The following DSG2 variants were observed in gnomAD, a reference collection of about 807,000 sequenced individuals.
The protein encoded by DSG2 is desmoglein 2.
In DSG2, 45 loss-of-function variants were observed where a neutral mutation model predicts 75.6. That is an observed-to-expected ratio of 0.60 (90% CI 0.47 to 0.76). DSG2 has a LOEUF of 0.76. Among genes scored for constraint, DSG2 ranks in the 30% least tolerant of loss-of-function variants. The pLI is 0.00. For missense variants in DSG2, 1,267 were observed against 1,357.4 expected (o/e 0.93, Z 1.05); for synonymous variants, 429 against 483.9 (o/e 0.89, Z 1.49).
chr18:31,523,167 T>G (rs1254428177), intron 6 of DSG2, among the ~76,000 whole-genome samples: 1 of 152,096 alleles, frequency 6.6e-6, no homozygotes, highest in Admixed American at 6.5e-5. Flanking sequence ...TTTGGGAGGC[T>G]GAGGCGGGCA....
In DSG2 at chr18:31,535,425, A is replaced by G. The variant is rs1164316014; in HGVS notation, c.1423+13A>G. On this transcript the variant is annotated intron_variant, in intron 10 of 14. Transcript: ENST00000261590. ...GCCATATCAGAAGGTAAGTTATTAA[A>G]TAGATCTTTTTCTTGATTATATGTA... The G allele has an allele frequency of 1.9e-6, 3 of 1,588,650 alleles. No individual in the cohort carries two copies. Among genetic ancestry groups the G allele is most frequent in the Admixed American group, 1.7e-5 (1 of 59,824 alleles).
At chr18:31,500,648 G>A (rs1318580810) in intron 1 of DSG2, among the ~76,000 whole-genome samples, 1 of 152,186 alleles carries the variant, frequency 6.6e-6, no homozygotes, top group Non-Finnish European at 1.5e-5. Context: ...CTGCAGTGGA[G>A]TCTGTGACAC....
intron 14 of DSG2, 166 bp downstream of exon 14, chr18:31,543,018 G>A (rs551022228): frequency 2.0e-5 from 12 of 590,878 alleles, no homozygotes; most frequent in African/African-American, 1.9e-4. Context: ...AGAGAAATGG[G>A]ACCCACAGAA....
At chr18:31,525,333 T>C (rs567249354) in intron 8 of DSG2, among the ~76,000 whole-genome samples, 1 of 151,994 alleles carries the variant, frequency 6.6e-6, no homozygotes. Context: ...CTGGACAACA[T>C]GGCAAATCCC....
At chr18:31,542,155 T>C (rs1177892726) in intron 13 of DSG2, 2 of 332,084 alleles carry the variant, frequency 6.0e-6, no homozygotes, top group Non-Finnish European at 1.1e-5. Flanking sequence ...CTTAGAAATA[T>C]AGTCTTTATT....
intron 1 of DSG2, among the ~76,000 whole-genome samples, chr18:31,503,523 A>AG (rs536049201): frequency 2.6e-5 from 4 of 152,238 alleles, no homozygotes; most frequent in African/African-American, 4.8e-5. Flanking sequence ...TCAAGCCAAC[A>AG]GAAGCCCAGA....
chr18:31,527,505 G>A (rs931764819), intron 8 of DSG2, among the ~76,000 whole-genome samples: 9 of 152,182 alleles, frequency 5.9e-5, no homozygotes, highest in African/African-American at 2.2e-4. Flanking sequence ...AAGCAACCGA[G>A]TGAGATAATT....
In DSG2 at chr18:31,530,990, G is replaced by A. The variant is rs1369312425; in HGVS notation, c.1018G>A (p.Val340Ile). The A allele has an allele frequency of 1.2e-6, 2 of 1,613,914 alleles. No homozygotes were observed. The highest frequency in any genetic ancestry group is 2.2e-5 in the East Asian group (1 of 44,860). The change falls in exon 9 of 15, where the codon GTA (valine) becomes ATA (isoleucine). Residue 340 changes from valine (V) to isoleucine (I), a missense_variant. Transcript: ENST00000261590. ...TCCCTTTGGTTTTCCCTTTCAGGAA[G>A]TAGATTATGAAGAAATGAAGAATCT... Reference protein sequence around the residue: ...NEGIVTLIKEVDYEEMKNLDF... With the variant: ...NEGIVTLIKEIDYEEMKNLDF...
In DSG2 at chr18:31,531,071, A is replaced by G; in HGVS notation, c.1099A>G (p.Lys367Glu). 1 of 1,614,170 alleles carries G rather than the reference A, an allele frequency of 6.2e-7. No homozygotes were observed. The highest frequency in any genetic ancestry group is 8.5e-7 in the Non-Finnish European group (1 of 1,180,020). ...KAAFHKSIRSKYKPTPIPIKV... is the reference protein window; with the variant it reads ...KAAFHKSIRSEYKPTPIPIKV... ...AGCTTTTCACAAGTCGATTAGGAGT[A>G]AATACAAGCCTACACCCATTCCCAT... Residue 367 changes from lysine (K) to glutamate (E), a missense_variant, in exon 9 of 15, where the codon AAA becomes GAA. Physicochemically the swap from Lys to Glu is moderately conservative, Grantham distance 56. Transcript: ENST00000261590.
At position 31,499,182 on chromosome 18, in the gene DSG2, G is replaced by A. The variant is rs1014711150; in HGVS notation, c.45+886G>A. 2.6e-5 allele frequency among the ~76,000 whole-genome samples: 4 copies of A among 152,178 alleles called. No individual in the cohort carries two copies. The South Asian group carries it at 8.3e-4, about 32-fold the overall frequency. On this transcript the variant is annotated intron_variant, in intron 1 of 14. Transcript: ENST00000261590. ...ACAGTTATGCTGCAAATATAGGTGT[G>A]AGTTCACCTTCCAGAGAGTTCACAA...
chr18:31,542,724 A>T lies in DSG2; in HGVS notation c.2206A>T (p.Thr736Ser). 1 of 1,614,222 alleles carries T rather than the reference A, an allele frequency of 6.2e-7. No individual in the cohort carries two copies. Among genetic ancestry groups the T allele is most frequent in the South Asian group, 1.1e-5 (1 of 91,080 alleles). ...TAGAGCTACCCAGTTTACAGGGGCC[A>T]CAGGCGCTATCATGACCACTGAAAC... is the stretch of plus-strand genomic sequence containing the variant. ...SGRATQFTGA[T>S]GAIMTTETTK... The change falls in exon 14 of 15, where the codon ACA (threonine) becomes TCA (serine). Residue 736 changes from threonine to serine, a missense_variant. Thr to Ser is a moderately conservative substitution (Grantham distance 58). Transcript: ENST00000261590.
In DSG2 at chr18:31,521,252, C is replaced by CT. The variant is rs77324780; in HGVS notation, c.523+24dup. The CT allele has an allele frequency of 0.034, 45,203 of 1,334,854 alleles. No homozygotes were observed. The highest frequency in any genetic ancestry group is 0.037 in the Non-Finnish European group (36,547 of 978,234). The allele number at this position is 1,334,854 out of a possible 1,614,324, so 82.7% of individuals were successfully genotyped here. ...AGAGTTGAGTGCAGCACGTAAGAGT[C>CT]TTTTTTTTTTTTTTTAATAAATAAA... is the stretch of plus-strand genomic sequence containing the variant. On this transcript the variant is annotated intron_variant, in intron 5 of 14. Coordinates refer to ENST00000261590, the MANE Select transcript of DSG2 (RefSeq NM_001943.5).
In DSG2 at chr18:31,546,874, C is replaced by T. The variant is rs146873880; in HGVS notation, c.*131C>T. On this transcript the variant is annotated 3_prime_UTR_variant, in exon 15 of 15. Coordinates refer to ENST00000261590, the MANE Select transcript of DSG2 (RefSeq NM_001943.5). Reference sequence around the variant, plus strand: ...TACACATTGATCTTAAAATTTTTCTCAGTCACTGATATGCAAAGGACCACA... The same window carrying T: ...TACACATTGATCTTAAAATTTTTCTTAGTCACTGATATGCAAAGGACCACA... 750 of 991,092 alleles carry T rather than the reference C, an allele frequency of 7.6e-4. 5 individuals carry two copies. In the African/African-American group the frequency reaches 0.01, roughly 14 times the overall value. 61.4% of individuals were successfully genotyped at this position (991,092 alleles called of 1,614,324 possible).
chr18:31,529,400 C>T (rs1169530720), intron 8 of DSG2, among the ~76,000 whole-genome samples: 6 of 152,192 alleles, frequency 3.9e-5, no homozygotes, highest in South Asian at 2.1e-4. Flanking sequence ...ATTTCTCATC[C>T]GGCATATATC....
intron 8 of DSG2, among the ~76,000 whole-genome samples, chr18:31,530,225 A>G (rs1471477565): frequency 2.6e-5 from 4 of 152,182 alleles, no homozygotes; most frequent in African/African-American, 7.2e-5. Flanking sequence ...AAGTATTTTA[A>G]TATGCTAATG....
At chr18:31,533,500 T>A (rs1242133608) in intron 9 of DSG2, among the ~76,000 whole-genome samples, 1 of 152,218 alleles carries the variant, frequency 6.6e-6, no homozygotes, top group Admixed American at 6.5e-5. Flanking sequence ...ATCAGCTGTT[T>A]ACAGATATTT....
chr18:31,532,536 T>C (rs922000244), intron 9 of DSG2, among the ~76,000 whole-genome samples: 1 of 152,204 alleles, frequency 6.6e-6, no homozygotes, highest in African/African-American at 2.4e-5. Flanking sequence ...TGGAAGAAGC[T>C]CCTCAGCAAC....
At chr18:31,509,653 G>A (rs1208881585) in intron 1 of DSG2, among the ~76,000 whole-genome samples, 1 of 152,146 alleles carries the variant, frequency 6.6e-6, no homozygotes, top group East Asian at 1.9e-4. Flanking sequence ...AGAGAAAAGT[G>A]CAGTAGGTGA....
chr18:31,524,749 G>A lies in DSG2; in HGVS notation c.875G>A (p.Arg292His), dbSNP rs185821167. ...EENQVNVEVTRIKVFDADEIG... is the reference protein window; with the variant it reads ...EENQVNVEVTHIKVFDADEIG... ...AATCAAGTCAACGTAGAAGTTACGC[G>A]CATAAAAGTGTTCGATGCAGATGAA... The change falls in exon 8 of 15, where the codon CGC becomes CAC. Residue 292 changes from arginine (R) to histidine (H), a missense_variant. Transcript: ENST00000261590. 222 of 1,614,124 alleles carry A rather than the reference G, an allele frequency of 1.4e-4. No individual in the cohort carries two copies. The highest frequency in any genetic ancestry group is 2.7e-4 in the Admixed American group (16 of 60,022).
Sources: gnomAD v4.1 joint callset for allele counts (sites outside exome capture counted in the v4.1 genomes callset) on GRCh38, gnomAD v4.1.1 for gene constraint, MANE v1.5 for transcripts, NCBI Gene and HGNC (gene_info 2026-07-23, HGNC 2026-07-21) for gene names.